RBFOX1: variants seen among roughly 807,000 people sequenced by gnomAD.
The protein encoded by RBFOX1 is RNA binding fox-1 homolog 1, also known as RNA binding protein fox-1 homolog 1.
RBFOX1 carries 8 observed loss-of-function variants against 57.7 expected under a neutral mutation model. The ratio of observed to expected loss-of-function variants is 0.14; its 90% confidence interval spans 0.08 to 0.25. The LOEUF is 0.25. Ranked by LOEUF, RBFOX1 falls within the 10% of genes least tolerant of loss-of-function variation. The probability of loss-of-function intolerance (pLI) is 1.00; values close to 1 mark genes in which losing one functional copy is unlikely to be tolerated. For synonymous variants in RBFOX1, 326 were observed against 222.4 expected (o/e 1.47, Z -4.15); for missense variants, 611 against 548.5 (o/e 1.11, Z -1.14).
At chr16:6,854,637 C>G (rs973600524) in intron 3 of RBFOX1, among the ~76,000 whole-genome samples, 31 of 133,672 alleles carry the variant, frequency 2.3e-4, no homozygotes, top group African/African-American at 8.9e-4. Flanking sequence ...CTGTTTTGCC[C>G]AGGCTGGAGT....
Position 7,466,415 on chromosome 16 carries a change from C to G in RBFOX1, c.28-51732C>G, listed in dbSNP as rs559704208. ...ATACCACTTCCCAGTGAGGCAGGTA[C>G]TCATGTTTCCATTTTAAGGATAAGA... is the stretch of plus-strand genomic sequence containing the variant. On this transcript the variant is annotated intron_variant, in intron 4 of 15. Transcript: ENST00000550418. Among the ~76,000 whole-genome samples the G allele has an allele frequency of 5.3e-5, 8 of 152,232 alleles. No homozygotes were observed. In the South Asian group the frequency reaches 1.2e-3, roughly 24 times the overall value.
intron 3 of RBFOX1, among the ~76,000 whole-genome samples, chr16:7,047,798 C>T (rs563634669): frequency 8.8e-6 from 1 of 113,776 alleles, no homozygotes; most frequent in South Asian, 3.1e-4. Flanking sequence ...TTTTTATGTA[C>T]TCAAGTTTAC....
chr16:6,953,804 G>C (rs1415238122), intron 3 of RBFOX1, among the ~76,000 whole-genome samples: 1 of 152,116 alleles, frequency 6.6e-6, no homozygotes, highest in Non-Finnish European at 1.5e-5. Flanking sequence ...AAACTGGTTT[G>C]CAACTGATAG....
chr16:6,976,479 A>G (rs997729170), intron 3 of RBFOX1, among the ~76,000 whole-genome samples: 2 of 152,092 alleles, frequency 1.3e-5, no homozygotes, highest in African/African-American at 2.4e-5. Flanking sequence ...TTTAGAACCC[A>G]AGAGGGGGTT....
At chr16:5,717,377 T>C (rs565091331) in intron 3 of RBFOX1, among the ~76,000 whole-genome samples, 176 of 152,272 alleles carry the variant, frequency 1.2e-3, no homozygotes, top group African/African-American at 4.0e-3. Flanking sequence ...TTCAATAGTT[T>C]TGGCGGTACA....
intron 3 of RBFOX1, among the ~76,000 whole-genome samples, chr16:6,720,433 C>T (rs1359469312): frequency 6.6e-6 from 1 of 152,148 alleles, no homozygotes; most frequent in South Asian, 2.1e-4. Flanking sequence ...ATTACCCACT[C>T]TCAGGTAGTT....
At chr16:6,787,322 T>C (rs1345263869) in intron 3 of RBFOX1, among the ~76,000 whole-genome samples, 5 of 152,162 alleles carry the variant, frequency 3.3e-5, no homozygotes, top group Non-Finnish European at 5.9e-5. Flanking sequence ...TGTTCGTGTA[T>C]TCATCAATAA....
At chr16:5,828,202 T>C (rs2056142280) in intron 3 of RBFOX1, among the ~76,000 whole-genome samples, 1 of 151,992 alleles carries the variant, frequency 6.6e-6, no homozygotes, top group Non-Finnish European at 1.5e-5. Flanking sequence ...TGTCCGCTCA[T>C]CCATCCACCC....
At chr16:6,170,913 CATG>C (rs893061954) in intron 1 of RBFOX1, among the ~76,000 whole-genome samples, 1 of 152,130 alleles carries the variant, frequency 6.6e-6, no homozygotes, top group African/African-American at 2.4e-5. Context: ...CTGCAAAGGA[CATG>C]ATGTCTTTCT....
intron 3 of RBFOX1, among the ~76,000 whole-genome samples, chr16:6,859,187 A>ATACG (rs2058556499): frequency 3.1e-5 from 2 of 64,010 alleles, no homozygotes; most frequent in African/African-American, 1.5e-4. Flanking sequence ...ATATATATGT[A>ATACG]TATATATATG....
intron 2 of RBFOX1, among the ~76,000 whole-genome samples, chr16:6,355,877 A>G (rs1163734829): frequency 6.6e-6 from 1 of 152,218 alleles, no homozygotes; most frequent in Non-Finnish European, 1.5e-5. Flanking sequence ...AATGATCAGG[A>G]GCAACTTCTA....
upstream of RBFOX1, among the ~76,000 whole-genome samples, chr16:6,018,548 C>T (rs1053755989): frequency 6.6e-6 from 1 of 152,144 alleles, no homozygotes; most frequent in Admixed American, 6.5e-5. Context: ...AGGAGAGGCC[C>T]AGCTGTGCGG....
chr16:7,312,341 T>C (rs1388576048), intron 4 of RBFOX1, among the ~76,000 whole-genome samples: 1 of 152,160 alleles, frequency 6.6e-6, no homozygotes, highest in Non-Finnish European at 1.5e-5. Flanking sequence ...GATCGCGGCG[T>C]TGCACTCCAG....
chr16:7,696,764 A>T (rs2078932483), intron 14 of RBFOX1, among the ~76,000 whole-genome samples: 1 of 152,170 alleles, frequency 6.6e-6, no homozygotes, highest in South Asian at 2.1e-4. Context: ...GAGGGGATGG[A>T]AAGTAAGGTG....
At chr16:7,165,808 T>C (rs75114669) in intron 4 of RBFOX1, among the ~76,000 whole-genome samples, 1 of 152,076 alleles carries the variant, frequency 6.6e-6, no homozygotes, top group African/African-American at 2.4e-5. Context: ...GATGTTCATC[T>C]TGATTTGCCT....
chr16:7,321,178 T>C (rs2096540359), intron 4 of RBFOX1, among the ~76,000 whole-genome samples: 1 of 150,090 alleles, frequency 6.7e-6, no homozygotes. Context: ...GGTGTTTTGC[T>C]CTGCTGCCCA....
chr16:5,396,179 A>G (rs1223285059), intron 1 of RBFOX1, among the ~76,000 whole-genome samples: 3 of 152,228 alleles, frequency 2.0e-5, no homozygotes, highest in Non-Finnish European at 4.4e-5. Flanking sequence ...CTTATGCTAA[A>G]TAGGTAATCC....
At chr16:5,910,222 A>G (rs936217647) in intron 4 of RBFOX1, among the ~76,000 whole-genome samples, 1 of 152,132 alleles carries the variant, frequency 6.6e-6, no homozygotes, top group African/African-American at 2.4e-5. Flanking sequence ...GAAGGGAACT[A>G]AAGTGGGTAG....
chr16:5,833,450 G>A (rs1396647201), intron 3 of RBFOX1, among the ~76,000 whole-genome samples: 4 of 139,818 alleles, frequency 2.9e-5, no homozygotes, highest in East Asian at 2.1e-4. Context: ...AGCCAAGACC[G>A]CACCACTGCA....
Sources: allele counts gnomAD v4.1 joint callset (sites outside exome capture counted in the v4.1 genomes callset), GRCh38; gene constraint gnomAD v4.1.1; transcripts MANE v1.5; gene names NCBI Gene and HGNC (gene_info 2026-07-23, HGNC 2026-07-21).